MYO1E: variants seen among roughly 807,000 people sequenced by gnomAD.
MYO1E encodes the protein unconventional myosin-Ie.
A neutral mutation model predicts 151.1 loss-of-function variants in MYO1E; 68 were observed. The ratio of observed to expected loss-of-function variants is 0.45; its 90% CI spans 0.37 to 0.55. The LOEUF is 0.55. MYO1E is among the 20% of genes least tolerant of loss of function. MYO1E has a pLI of 0.00. For missense variants in MYO1E, 1,363 were observed against 1,389.3 expected (o/e 0.98, Z 0.30); for synonymous variants, 601 against 501.7 (o/e 1.20, Z -2.64).
intron 18 of MYO1E, among the ~76,000 whole-genome samples, chr15:59,179,636 G>C (rs1477060991): frequency 6.6e-6 from 1 of 152,164 alleles, no homozygotes; most frequent in Non-Finnish European, 1.5e-5. Flanking sequence ...ACTTGCCCAA[G>C]GCTACTTAGC....
chr15:59,353,999 C>G (rs1224994143), intron 1 of MYO1E, among the ~76,000 whole-genome samples: 1 of 152,126 alleles, frequency 6.6e-6, no homozygotes, highest in African/African-American at 2.4e-5. Flanking sequence ...TTTAAAATTA[C>G]TCTCACTTTC....
At chr15:59,344,957 G>T (rs1438026886) in intron 1 of MYO1E, among the ~76,000 whole-genome samples, 18 of 152,320 alleles carry the variant, frequency 1.2e-4, no homozygotes, top group Non-Finnish European at 2.9e-5. Flanking sequence ...TTTGCATATT[G>T]ATAGGATATG....
At chr15:59,165,362 T>C (rs1183475895) in intron 22 of MYO1E, among the ~76,000 whole-genome samples, 1 of 151,878 alleles carries the variant, frequency 6.6e-6, no homozygotes, top group Non-Finnish European at 1.5e-5. Context: ...AGCCAAAGAG[T>C]TTCCCTTGGA....
Position 59,173,863 on chromosome 15 carries a change from C to T in MYO1E, c.2217G>A (p.Arg739=). The change falls in exon 21 of 28, where the codon AGG becomes AGA. Residue 739 remains arginine (R), a synonymous_variant. Coordinates refer to ENST00000288235, the MANE Select transcript of MYO1E (RefSeq NM_004998.4). The stretch of plus-strand genomic sequence containing the variant: ...TCCCAATATAATCCCCTATAAAGTT[C>T]CTGTTAATACTGTTTCTCCTTCTCT... ...KKERRRNSIN[R]NFIGDYIGME... The T allele has an allele frequency of 6.2e-7, 1 of 1,614,034 alleles. No individual in the cohort carries two copies. Among genetic ancestry groups the T allele is most frequent in the Non-Finnish European group, 8.5e-7 (1 of 1,179,982 alleles).
chr15:59,192,676 G>A (rs542721586), intron 17 of MYO1E, among the ~76,000 whole-genome samples: 1 of 152,352 alleles, frequency 6.6e-6, no homozygotes, highest in East Asian at 1.9e-4. Flanking sequence ...GGAAGAGCAG[G>A]TGGATAGAGT....
At chr15:59,270,527 A>C (rs2080282981) in intron 2 of MYO1E, among the ~76,000 whole-genome samples, 1 of 148,148 alleles carries the variant, frequency 6.8e-6, no homozygotes, top group Non-Finnish European at 1.5e-5. Context: ...TGGGTGACAG[A>C]GGGAGACCCT....
At chr15:59,239,236 TTTTA>T (rs1487285833) in intron 4 of MYO1E, among the ~76,000 whole-genome samples, 170 of 149,342 alleles carry the variant, frequency 1.1e-3, no homozygotes, top group African/African-American at 3.8e-3. Flanking sequence ...TTTTTTTATT[TTTTA>T]AAATTTGTGT....
At chr15:59,339,857 T>TG (rs138866625) in intron 1 of MYO1E, among the ~76,000 whole-genome samples, 218 of 151,060 alleles carry the variant, frequency 1.4e-3, no homozygotes, top group Non-Finnish European at 2.7e-3. Context: ...TTTTTTGTTT[T>TG]TTTTTTTTTT....
chr15:59,371,563 T>G (rs1323167488), intron 1 of MYO1E, among the ~76,000 whole-genome samples: 1 of 147,578 alleles, frequency 6.8e-6, no homozygotes, highest in African/African-American at 2.5e-5. Context: ...GGGAGGGGAG[T>G]GTAGCTGGAC....
At chr15:59,219,022 G>A (rs2079937441) in intron 9 of MYO1E, among the ~76,000 whole-genome samples, 1 of 152,194 alleles carries the variant, frequency 6.6e-6, no homozygotes. Flanking sequence ...GGGCCTGATG[G>A]CTAATAAAGA....
intron 1 of MYO1E, among the ~76,000 whole-genome samples, chr15:59,292,621 C>T (rs2080426284): frequency 6.6e-6 from 1 of 152,142 alleles, no homozygotes; most frequent in Admixed American, 6.5e-5. Flanking sequence ...TCTGAAAGGC[C>T]CCATTGTAAG....
intron 4 of MYO1E, 113 bp downstream of exon 4, chr15:59,256,171 A>G: frequency 1.3e-6 from 1 of 779,272 alleles, no homozygotes; most frequent in Non-Finnish European, 2.2e-6. Context: ...CAGACACATT[A>G]ACCAGGCTGT....
chr15:59,183,535 G>A (rs1047036375), intron 18 of MYO1E, among the ~76,000 whole-genome samples: 3 of 151,966 alleles, frequency 2.0e-5, no homozygotes, highest in African/African-American at 7.3e-5. Flanking sequence ...TACATAGTAG[G>A]TATACATATT....
At chr15:59,174,683 A>T (rs1221935439) in intron 19 of MYO1E, among the ~76,000 whole-genome samples, 1 of 152,162 alleles carries the variant, frequency 6.6e-6, no homozygotes, top group Non-Finnish European at 1.5e-5. Flanking sequence ...CAGTTTCTGC[A>T]GGAGCTGGGC....
In MYO1E at chr15:59,262,239, C is replaced by T. The variant is rs376937142; in HGVS notation, c.148-730G>A. ...AAAAATAAAAAAAAATATTCATCTA[C>T]TTATTTAACAAATACAGGGATACAA... is the stretch of plus-strand genomic sequence containing the variant. On this transcript the variant is annotated intron_variant, in intron 2 of 27. Transcript: ENST00000288235. 3.3e-5 allele frequency among the ~76,000 whole-genome samples: 5 copies of T among 151,740 alleles called. No individual in the cohort carries two copies. In the East Asian group the frequency reaches 7.8e-4, roughly 24 times the overall value.
rs561148777 is a variant in MYO1E at position 59,350,253 on chromosome 15, T to C, written c.3+22245A>G. Among the ~76,000 whole-genome samples, 2 of 152,334 alleles carry C rather than the reference T, an allele frequency of 1.3e-5. No homozygotes were observed. The highest frequency in any genetic ancestry group is 4.1e-4 in the South Asian group (2 of 4,828). ...CTGATCACCAGGCAGGCTCCTGCCT[T>C]TCCTCAGGGTGGAAGAGATCCACTG... is the stretch of plus-strand genomic sequence containing the variant. On this transcript the variant is annotated intron_variant, in intron 1 of 27. Transcript: ENST00000288235. The surrounding 1 kb of genome is among the most constrained non-coding windows in gnomAD (Gnocchi z 5.0).
chr15:59,367,582 G>A (rs1015035662), intron 1 of MYO1E, among the ~76,000 whole-genome samples: 5 of 152,184 alleles, frequency 3.3e-5, no homozygotes, highest in South Asian at 2.1e-4. Context: ...GAATGCATAG[G>A]CTGAAAATAC....
intron 1 of MYO1E, among the ~76,000 whole-genome samples, chr15:59,339,755 A>G (rs560490063): frequency 6.6e-6 from 1 of 152,354 alleles, no homozygotes; most frequent in Non-Finnish European, 1.5e-5. Context: ...TTTGCGGCCA[A>G]GGCCTGAAGA....
At chr15:59,357,794 G>A (rs867878603) in intron 1 of MYO1E, among the ~76,000 whole-genome samples, 2 of 152,102 alleles carry the variant, frequency 1.3e-5, no homozygotes, top group East Asian at 1.9e-4. Flanking sequence ...GCAGAGTTAA[G>A]GCTGGTTTAA....
Sources: allele counts gnomAD v4.1 joint callset (sites outside exome capture counted in the v4.1 genomes callset), GRCh38; gene constraint gnomAD v4.1.1; non-coding constraint Gnocchi (gnomAD v3.1); transcripts MANE v1.5; gene names NCBI Gene and HGNC (gene_info 2026-07-23, HGNC 2026-07-21).